TTLL11: variants seen among roughly 807,000 people sequenced by gnomAD.
The protein encoded by TTLL11 is tubulin polyglutamylase TTLL11.
A neutral mutation model predicts 51.7 loss-of-function variants in TTLL11; 42 were observed. That is an observed-to-expected ratio of 0.81 (90% CI 0.64 to 1.05). The LOEUF is 1.05. Ranked by LOEUF, TTLL11 falls within the 50% of genes least tolerant of loss-of-function variation. The pLI, the probability that TTLL11 is intolerant of heterozygous loss-of-function variation, is 0.00. For synonymous variants in TTLL11, 381 were observed against 383.5 expected (o/e 0.99, Z 0.08); for missense variants, 799 against 940.4 (o/e 0.85, Z 1.97).
intron 6 of TTLL11, among the ~76,000 whole-genome samples, chr9:121,893,237 G>GA (rs931269548): frequency 4.6e-5 from 7 of 151,926 alleles, no homozygotes; most frequent in African/African-American, 7.3e-5. Flanking sequence ...GACAAAGAGG[G>GA]AAAAAAATCA....
At chr9:121,915,976 CAAA>C (rs1840305057) in intron 6 of TTLL11, among the ~76,000 whole-genome samples, 1 of 126,092 alleles carries the variant, frequency 7.9e-6, no homozygotes, top group Non-Finnish European at 1.6e-5. Context: ...CATGTATAGA[CAAA>C]GACACACACA....
At chr9:121,835,518 C>T (rs771618835) in intron 8 of TTLL11, among the ~76,000 whole-genome samples, 5 of 152,182 alleles carry the variant, frequency 3.3e-5, no homozygotes, top group East Asian at 1.9e-4. Flanking sequence ...TTAAGCATTA[C>T]GGCAACAAGA....
At chr9:122,013,560 C>A (rs1237726996) in intron 3 of TTLL11, among the ~76,000 whole-genome samples, 1 of 152,162 alleles carries the variant, frequency 6.6e-6, no homozygotes. Context: ...TCAGAAGGAG[C>A]CAACAGGAAG....
At position 121,901,400 on chromosome 9, in the gene TTLL11, T is replaced by G. The variant is rs555456786; in HGVS notation, c.1482-30652A>C. Among the ~76,000 whole-genome samples the G allele has an allele frequency of 3.9e-5, 6 of 152,250 alleles. No homozygotes were observed. In the East Asian group the frequency reaches 9.7e-4, roughly 25 times the overall value. ...TCTTCATTGGTAGGAATTCTTAGTG[T>G]TCCAGGCTTAAAGTTCATTTTGTCA... is the stretch of plus-strand genomic sequence containing the variant. On this transcript the variant is annotated intron_variant, in intron 6 of 8. Coordinates refer to ENST00000321582, the MANE Select transcript of TTLL11 (RefSeq NM_001139442.2).
chr9:122,053,220 T>C (rs16911341), intron 1 of TTLL11, among the ~76,000 whole-genome samples: 4,708 of 152,200 alleles, frequency 0.031, 234 homozygotes, highest in African/African-American at 0.11. Context: ...GCAAATGCAC[T>C]CTGCGTGTCA....
intron 8 of TTLL11, among the ~76,000 whole-genome samples, chr9:121,857,261 G>A (rs888571508): frequency 2.0e-5 from 3 of 152,208 alleles, no homozygotes; most frequent in Non-Finnish European, 4.4e-5. Context: ...TTATCCTCCC[G>A]CTGCTGCCGT....
intron 6 of TTLL11, among the ~76,000 whole-genome samples, chr9:121,885,895 G>GT (rs1230289024): frequency 6.6e-6 from 1 of 152,116 alleles, no homozygotes; most frequent in African/African-American, 2.4e-5. Context: ...CTCCTGCCTA[G>GT]TTTTGGTATC....
intron 6 of TTLL11, among the ~76,000 whole-genome samples, chr9:121,919,369 A>C (rs934200536): frequency 6.6e-6 from 1 of 152,246 alleles, no homozygotes; most frequent in Non-Finnish European, 1.5e-5. Flanking sequence ...TGGCTTACAC[A>C]GATAGGTAGA....
At chr9:121,903,949 C>T (rs1374585640) in intron 6 of TTLL11, among the ~76,000 whole-genome samples, 1 of 152,096 alleles carries the variant, frequency 6.6e-6, no homozygotes, top group Non-Finnish European at 1.5e-5. Context: ...CAGGGTTTTC[C>T]AGCTCAGCTC....
intron 6 of TTLL11, among the ~76,000 whole-genome samples, chr9:121,919,506 C>T (rs1215610047): frequency 1.3e-5 from 2 of 152,122 alleles, no homozygotes; most frequent in Non-Finnish European, 2.9e-5. Context: ...ACAGTTGTTG[C>T]GGAGGTCCTG....
chr9:121,899,357 G>A (rs1839660860), intron 6 of TTLL11, among the ~76,000 whole-genome samples: 1 of 95,482 alleles, frequency 1.0e-5, no homozygotes, highest in Admixed American at 1.6e-4. Flanking sequence ...GTGTGTGTAT[G>A]TGTGTGTGTA....
intron 8 of TTLL11, among the ~76,000 whole-genome samples, chr9:121,824,478 C>CAA (rs35905457): frequency 0.015 from 1,643 of 110,110 alleles, 17 homozygotes; most frequent in Non-Finnish European, 0.022. Context: ...GACTCCATCT[C>CAA]AAAAAAAAAA....
At chr9:121,959,068 T>C (rs1842124740) in intron 6 of TTLL11, among the ~76,000 whole-genome samples, 1 of 152,138 alleles carries the variant, frequency 6.6e-6, no homozygotes, top group Non-Finnish European at 1.5e-5. Context: ...AGAGGTAATA[T>C]GCAAAGGGCA....
At chr9:122,076,936 GA>G (rs1396583780) in intron 1 of TTLL11, among the ~76,000 whole-genome samples, 2 of 152,068 alleles carry the variant, frequency 1.3e-5, no homozygotes, top group Non-Finnish European at 2.9e-5. Flanking sequence ...CAGCCAGAAT[GA>G]AAGACATTTT....
chr9:121,923,792 C>G (rs1481278754), intron 6 of TTLL11, among the ~76,000 whole-genome samples: 2 of 152,206 alleles, frequency 1.3e-5, no homozygotes, highest in Non-Finnish European at 2.9e-5. Context: ...CTCTGGTTTT[C>G]ATCCTCAACT....
chr9:121,944,486 G>T (rs1841597343), intron 6 of TTLL11, among the ~76,000 whole-genome samples: 1 of 150,078 alleles, frequency 6.7e-6, no homozygotes, highest in African/African-American at 2.4e-5. Context: ...CAGCCTGGGT[G>T]ACAGAGTGAG....
At chr9:121,863,119 G>C (rs922730445) in intron 7 of TTLL11, among the ~76,000 whole-genome samples, 1 of 152,018 alleles carries the variant, frequency 6.6e-6, no homozygotes, top group Non-Finnish European at 1.5e-5. Context: ...CTCCTGCTCC[G>C]TATTTCAATC....
Position 121,968,473 on chromosome 9 carries a change from T to TA in TTLL11, c.1481+5535dup, listed in dbSNP as rs1318070334. ...TTAGGATACATCATTGATTTTAAACTAAAAAATCTGCTTTAAGTATACCAG... is the reference window on the plus strand; with the variant it reads ...TTAGGATACATCATTGATTTTAAACTAAAAAAATCTGCTTTAAGTATACCAG... On this transcript the variant is annotated intron_variant, in intron 6 of 8. Transcript: ENST00000321582. Among the ~76,000 whole-genome samples, 3 of 152,248 alleles carry TA rather than the reference T, an allele frequency of 2.0e-5. No individual in the cohort carries two copies. The East Asian group carries it at 5.8e-4, about 29-fold the overall frequency.
At chr9:121,892,423 C>T (rs997841692) in intron 6 of TTLL11, among the ~76,000 whole-genome samples, 4 of 151,950 alleles carry the variant, frequency 2.6e-5, no homozygotes, top group African/African-American at 7.3e-5. Context: ...TAAGTGGTGG[C>T]AAGAGAGAAT....
Sources: allele counts gnomAD v4.1 joint callset (sites outside exome capture counted in the v4.1 genomes callset), GRCh38; gene constraint gnomAD v4.1.1; transcripts MANE v1.5; gene names NCBI Gene and HGNC (gene_info 2026-07-23, HGNC 2026-07-21).